ASAP2: variants seen among roughly 807,000 people sequenced by gnomAD.
ASAP2 encodes ArfGAP with SH3 domain, ankyrin repeat and PH domain 2.
In ASAP2, 45 loss-of-function variants were observed where a neutral mutation model predicts 131.4. The observed-to-expected ratio is 0.34, with a 90% CI of 0.27 to 0.44. The LOEUF is 0.44. Among genes scored for constraint, ASAP2 ranks in the 20% least tolerant of loss-of-function variants. The pLI, the probability that ASAP2 is intolerant of heterozygous loss-of-function variation, is 1.00. For missense variants in ASAP2, 1,011 were observed against 1,297.0 expected (o/e 0.78, Z 3.39); for synonymous variants, 510 against 503.0 (o/e 1.01, Z -0.19).
intron 1 of ASAP2, among the ~76,000 whole-genome samples, chr2:9,270,807 T>A (rs1157982687): frequency 7.2e-6 from 1 of 139,064 alleles, no homozygotes; most frequent in Non-Finnish European, 1.6e-5. Flanking sequence ...TTTTTTTTTT[T>A]TTTGAGACGG....
chr2:9,307,828 T>C (rs1320558041), intron 3 of ASAP2, among the ~76,000 whole-genome samples: 1 of 152,142 alleles, frequency 6.6e-6, no homozygotes, highest in African/African-American at 2.4e-5. Context: ...CAGCATGGGC[T>C]CCCCCTTCTC....
intron 11 of ASAP2, among the ~76,000 whole-genome samples, chr2:9,346,904 T>A (rs1227705018): frequency 2.0e-5 from 3 of 152,232 alleles, no homozygotes; most frequent in African/African-American, 7.2e-5. Context: ...GAGGCTTAGT[T>A]GTCTTTAAAT....
chr2:9,375,510 C>T (rs1429732999), intron 17 of ASAP2, among the ~76,000 whole-genome samples: 1 of 152,168 alleles, frequency 6.6e-6, no homozygotes, highest in African/African-American at 2.4e-5. Flanking sequence ...AGCTAGCTAA[C>T]ATATCCATTA....
chr2:9,343,480 T>G (rs185657073), intron 9 of ASAP2, among the ~76,000 whole-genome samples: 10 of 152,322 alleles, frequency 6.6e-5, no homozygotes, highest in African/African-American at 2.4e-4. Flanking sequence ...AAGGTCTCGC[T>G]CTGTCACTGA....
chr2:9,315,570 G>C lies in ASAP2; in HGVS notation c.346-2954G>C, dbSNP rs1485074519. On this transcript the variant is annotated intron_variant, in intron 3 of 27. Coordinates refer to ENST00000281419, the MANE Select transcript of ASAP2 (RefSeq NM_003887.3). ...AGGAAGGAGAGCTGGCTGCATACTT[G>C]GGGCTGCCTGCAAGTAGAGGGAAAT... is the stretch of plus-strand genomic sequence containing the variant. 2.6e-5 allele frequency among the ~76,000 whole-genome samples: 4 copies of C among 152,218 alleles called. No homozygotes were observed. The East Asian group carries it at 7.7e-4, about 29-fold the overall frequency.
intron 5 of ASAP2, 36 bp downstream of exon 5, chr2:9,320,373 A>T: frequency 6.4e-7 from 1 of 1,555,860 alleles, no homozygotes; most frequent in Non-Finnish European, 8.8e-7. Flanking sequence ...CGTATAGGTA[A>T]TTTGGGATTT....
chr2:9,343,206 C>T (rs1379497698), intron 9 of ASAP2, among the ~76,000 whole-genome samples: 1 of 152,174 alleles, frequency 6.6e-6, no homozygotes, highest in African/African-American at 2.4e-5. Context: ...GAGCTCTGCA[C>T]CTGGAGCAAA....
At chr2:9,359,484 C>G (rs894862118) in intron 15 of ASAP2, among the ~76,000 whole-genome samples, 1 of 152,192 alleles carries the variant, frequency 6.6e-6, no homozygotes, top group Admixed American at 6.5e-5. Flanking sequence ...TGTAGTCCCA[C>G]AAGGTCCATC....
intron 3 of ASAP2, among the ~76,000 whole-genome samples, chr2:9,300,905 G>A (rs1233709094): frequency 2.0e-5 from 3 of 152,226 alleles, no homozygotes; most frequent in African/African-American, 7.2e-5. Flanking sequence ...AAAGATCAAA[G>A]AGAGAGAAAA....
At chr2:9,347,128 G>T (rs1672020615) in intron 11 of ASAP2, among the ~76,000 whole-genome samples, 1 of 152,216 alleles carries the variant, frequency 6.6e-6, no homozygotes, top group Non-Finnish European at 1.5e-5. Flanking sequence ...GGTAGGTGGG[G>T]CTGTCTTGAT....
At chr2:9,211,342 G>A (rs1661534520) in intron 1 of ASAP2, among the ~76,000 whole-genome samples, 1 of 152,052 alleles carries the variant, frequency 6.6e-6, no homozygotes. Flanking sequence ...AAAATAAGCA[G>A]TTGTGGCAGA....
At chr2:9,237,121 A>C (rs1558255576) in intron 1 of ASAP2, among the ~76,000 whole-genome samples, 1 of 152,232 alleles carries the variant, frequency 6.6e-6, no homozygotes, top group Non-Finnish European at 1.5e-5. Flanking sequence ...CTGGGAATCC[A>C]GGAAAACACT....
intron 11 of ASAP2, among the ~76,000 whole-genome samples, chr2:9,349,675 T>G (rs1672205228): frequency 6.6e-6 from 1 of 152,214 alleles, no homozygotes; most frequent in Non-Finnish European, 1.5e-5. Context: ...AGTACAACCC[T>G]GTTTATCTGA....
intron 9 of ASAP2, among the ~76,000 whole-genome samples, chr2:9,343,746 C>G (rs1671760575): frequency 6.6e-6 from 1 of 152,210 alleles, no homozygotes; most frequent in Non-Finnish European, 1.5e-5. Flanking sequence ...TGCGCCCAGC[C>G]TGATATCATT....
chr2:9,297,536 A>T (rs1668223622), intron 3 of ASAP2, 91 bp downstream of exon 3: 2 of 1,474,192 alleles, frequency 1.4e-6, no homozygotes, highest in East Asian at 2.3e-5. Context: ...ATAAACTAGG[A>T]ATGCATTTCA....
intron 1 of ASAP2, among the ~76,000 whole-genome samples, chr2:9,243,099 TTTTTG>T (rs552052156): frequency 6.6e-6 from 1 of 152,094 alleles, no homozygotes; most frequent in East Asian, 1.9e-4. Flanking sequence ...CCTTGAAGAT[TTTTTG>T]TTTTGTTTTG....
intron 7 of ASAP2, among the ~76,000 whole-genome samples, chr2:9,330,692 A>G (rs1485732558): frequency 6.6e-6 from 1 of 152,206 alleles, no homozygotes; most frequent in Admixed American, 6.5e-5. Context: ...TACAGTTCTT[A>G]TGTCAGGCAA....
chr2:9,380,752 G>A lies in ASAP2; in HGVS notation c.1960G>A (p.Gly654Arg), dbSNP rs369188848. The change falls in exon 20 of 28, where the codon GGA (glycine) becomes AGA (arginine). Residue 654 changes from glycine (G) to arginine (R), a missense_variant. Physicochemically the swap from Gly to Arg is moderately radical, Grantham distance 125 (BLOSUM62 -2). Around this residue, in one of 2 missense-constraint regions of ASAP2, gnomAD observed 652 missense variants for 698.9 expected, o/e 0.93. Coordinates refer to ENST00000281419, the MANE Select transcript of ASAP2 (RefSeq NM_003887.3). ...CCCTTGAATTTTAGCAAACGAGTCA[G>A]GAGAGACTCCGCTGGACATTGCCAA... The part of the protein sequence containing the change: ...KASIEIANES[G>R]ETPLDIAKRL... 5.7e-5 allele frequency: 92 copies of A among 1,614,054 alleles called. No individual in the cohort carries two copies. The highest frequency in any genetic ancestry group is 7.6e-5 in the Non-Finnish European group (90 of 1,180,028).
chr2:9,215,914 T>G (rs1661989799), intron 1 of ASAP2, among the ~76,000 whole-genome samples: 1 of 152,174 alleles, frequency 6.6e-6, no homozygotes, highest in Admixed American at 6.5e-5. Context: ...GGGTTATGGC[T>G]TGGCAGCTTC....
Sources: allele counts gnomAD v4.1 joint callset (sites outside exome capture counted in the v4.1 genomes callset), GRCh38; gene constraint gnomAD v4.1.1; regional missense constraint gnomAD v4.1.1; transcripts MANE v1.5; gene names NCBI Gene and HGNC (gene_info 2026-07-23, HGNC 2026-07-21).